Variants in KCNIP3 observed in about 807,000 individuals in gnomAD.
KCNIP3 encodes the protein calsenilin.
A neutral mutation model predicts 35.0 loss-of-function variants in KCNIP3; 28 were observed. That is an observed-to-expected ratio of 0.80 (90% confidence interval 0.59 to 1.10). The LOEUF (loss-of-function observed/expected upper bound fraction) is 1.10, where lower values mean the gene tolerates loss of function less well. KCNIP3 is among the 50% of genes least tolerant of loss of function. The pLI, the probability that KCNIP3 is intolerant of heterozygous loss-of-function variation, is 0.00. For missense variants in KCNIP3, 295 were observed against 338.4 expected (o/e 0.87, Z 1.01); for synonymous variants, 134 against 133.8 (o/e 1.00, Z -0.01).
chr2:95,300,133 A>T (rs1266225469), intron 1 of KCNIP3, among the ~76,000 whole-genome samples: 1 of 152,236 alleles, frequency 6.6e-6, no homozygotes, highest in Non-Finnish European at 1.5e-5. Context: ...CAGATGGCAG[A>T]GGAGGGGCCC....
intron 2 of KCNIP3, among the ~76,000 whole-genome samples, chr2:95,325,920 C>G (rs1678754964): frequency 6.6e-6 from 1 of 151,532 alleles, no homozygotes. Context: ...CATACACATA[C>G]ACACTCATAC....
chr2:95,316,285 CTG>C (rs1378659653), intron 2 of KCNIP3, among the ~76,000 whole-genome samples: 1 of 152,266 alleles, frequency 6.6e-6, no homozygotes, highest in Admixed American at 6.5e-5. Flanking sequence ...GCACATTTAA[CTG>C]TGGTGCACAG....
In KCNIP3 at chr2:95,384,397, C is replaced by A; in HGVS notation, c.*348C>A. Reference sequence around the variant, plus strand: ...TCACCAAGAAGGGGCTCGAGTGCCCCTGCAGGGGAGGGTCCAATCTCCGGT... The same window carrying A: ...TCACCAAGAAGGGGCTCGAGTGCCCATGCAGGGGAGGGTCCAATCTCCGGT... On this transcript the variant is annotated 3_prime_UTR_variant, in exon 9 of 9. Transcript: ENST00000295225. 2.9e-6 allele frequency: 1 copy of A among 347,350 alleles called. No homozygotes were observed. The highest frequency in any genetic ancestry group is 5.4e-6 in the Non-Finnish European group (1 of 186,840). The allele number at this position is 347,350 out of a possible 1,614,324, so 21.5% of individuals were successfully genotyped here.
intron 2 of KCNIP3, among the ~76,000 whole-genome samples, chr2:95,333,791 C>G (rs1678990840): frequency 6.6e-6 from 1 of 152,196 alleles, no homozygotes; most frequent in Non-Finnish European, 1.5e-5. Context: ...GCTGAGTCCT[C>G]CCAGCTTCCT....
intron 2 of KCNIP3, among the ~76,000 whole-genome samples, chr2:95,342,769 G>A (rs777845283): frequency 2.1e-4 from 32 of 152,162 alleles, no homozygotes; most frequent in Non-Finnish European, 3.1e-4. Flanking sequence ...CCTGGCTCCC[G>A]TCTGGTGGCC....
At chr2:95,320,401 G>C (rs1463054704) in intron 2 of KCNIP3, among the ~76,000 whole-genome samples, 1 of 152,128 alleles carries the variant, frequency 6.6e-6, no homozygotes, top group African/African-American at 2.4e-5. Context: ...CAGCCTGGAG[G>C]GGTCGGGGAG....
At chr2:95,364,725 C>G (rs1679878960) in intron 2 of KCNIP3, among the ~76,000 whole-genome samples, 1 of 152,164 alleles carries the variant, frequency 6.6e-6, no homozygotes, top group South Asian at 2.1e-4. Context: ...TGCTTGCTCC[C>G]TCTTCACCCT....
chr2:95,326,058 TAC>T (rs1194029505), intron 2 of KCNIP3, among the ~76,000 whole-genome samples: 2 of 147,564 alleles, frequency 1.4e-5, no homozygotes, highest in African/African-American at 2.5e-5. Flanking sequence ...CACACACACA[TAC>T]ACATTCACTC....
rs1206005249 is a variant in KCNIP3 at position 95,361,757 on chromosome 2, A to G, written c.182-12539A>G. On this transcript the variant is annotated intron_variant, in intron 2 of 8. Transcript: ENST00000295225. ...GCTGGGAGGATCCTACCCAGCCTGC[A>G]TTCCAGAGCACCTCCCATGCACAGG... Among the ~76,000 whole-genome samples the G allele has an allele frequency of 2.6e-5, 4 of 152,124 alleles. 1 individual carries two copies. The highest frequency in any genetic ancestry group is 9.7e-5 in the African/African-American group (4 of 41,420).
intron 2 of KCNIP3, chr2:95,347,047 G>C: frequency 6.2e-7 from 1 of 1,611,156 alleles, no homozygotes; most frequent in South Asian, 1.1e-5. Flanking sequence ...GGAGCTGTGC[G>C]CCATGGCCGT....
intron 5 of KCNIP3, among the ~76,000 whole-genome samples, chr2:95,379,112 G>A (rs573349443): frequency 1.3e-5 from 2 of 151,750 alleles, no homozygotes; most frequent in South Asian, 2.1e-4. Context: ...GACATACAAC[G>A]TTCCCGTCCC....
At position 95,325,415 on chromosome 2, in the gene KCNIP3, C is replaced by T. The variant is rs146915697; in HGVS notation, c.181+14895C>T. On this transcript the variant is annotated intron_variant, in intron 2 of 8. Transcript: ENST00000295225. ...AGAACACAAGAGGACAGTCAGGGGA[C>T]GTCCCAGCAGCTTGGGGTCTGGCTG... 5.2e-3 allele frequency among the ~76,000 whole-genome samples: 789 copies of T among 152,274 alleles called. 10 individuals are homozygous for T. Among genetic ancestry groups the T allele is most frequent in the African/African-American group, 0.017 (721 of 41,534 alleles).
chr2:95,349,672 G>T (rs1679463588), intron 2 of KCNIP3, among the ~76,000 whole-genome samples: 1 of 152,202 alleles, frequency 6.6e-6, no homozygotes, highest in Non-Finnish European at 1.5e-5. Context: ...CAGGGCATGG[G>T]CCTGGCCAGA....
chr2:95,339,150 T>C (rs1679131627), intron 2 of KCNIP3, among the ~76,000 whole-genome samples: 1 of 152,222 alleles, frequency 6.6e-6, no homozygotes, highest in African/African-American at 2.4e-5. Flanking sequence ...CAGACACTGC[T>C]GATTATCTGC....
In KCNIP3 at chr2:95,376,253, C is replaced by T. The variant is rs1680182623; in HGVS notation, c.447+1045C>T. Among the ~76,000 whole-genome samples, 2 of 152,342 alleles carry T rather than the reference C, an allele frequency of 1.3e-5. No homozygotes were observed. The highest frequency in any genetic ancestry group is 1.3e-4 in the Admixed American group (2 of 15,306). On this transcript the variant is annotated intron_variant, in intron 5 of 8. Coordinates refer to ENST00000295225, the MANE Select transcript of KCNIP3 (RefSeq NM_013434.5). The surrounding 1 kb of genome is among the most constrained non-coding windows in gnomAD (Gnocchi z 4.2). ...AAGGTCCTTTCCCTGCCCCTCTCTC[C>T]TGGGGTGCCCTTTAAGAGGCACCTG... is the stretch of plus-strand genomic sequence containing the variant.
intron 2 of KCNIP3, chr2:95,347,029 C>G: frequency 6.2e-7 from 1 of 1,608,562 alleles, no homozygotes; most frequent in Non-Finnish European, 8.5e-7. Context: ...CATGGGCATC[C>G]AGGGCATGGA....
At chr2:95,340,027 T>C (rs1679154521) in intron 2 of KCNIP3, among the ~76,000 whole-genome samples, 1 of 151,810 alleles carries the variant, frequency 6.6e-6, no homozygotes, top group Admixed American at 6.6e-5. Context: ...AGTAGGAGAG[T>C]CACTTACCGT....
chr2:95,365,598 C>T (rs1476566590), intron 2 of KCNIP3, among the ~76,000 whole-genome samples: 2 of 152,098 alleles, frequency 1.3e-5, no homozygotes, highest in Non-Finnish European at 1.5e-5. Context: ...CAGGGAGTTA[C>T]AGGAGGTGAG....
intron 2 of KCNIP3, among the ~76,000 whole-genome samples, chr2:95,342,193 G>C (rs1383201115): frequency 2.6e-5 from 4 of 152,170 alleles, no homozygotes; most frequent in Non-Finnish European, 5.9e-5. Flanking sequence ...CCCGGCCATG[G>C]GGGGCAAGGT....
Sources: allele counts gnomAD v4.1 joint callset (sites outside exome capture counted in the v4.1 genomes callset), GRCh38; gene constraint gnomAD v4.1.1; non-coding constraint Gnocchi (gnomAD v3.1); transcripts MANE v1.5; gene names NCBI Gene and HGNC (gene_info 2026-07-23, HGNC 2026-07-21).